The following ZC3H18 variants were observed in gnomAD, a reference collection of about 807,000 sequenced individuals.
The protein encoded by ZC3H18 is zinc finger CCCH-type containing 18, also known as zinc finger CCCH domain-containing protein 18.
In ZC3H18, 8 loss-of-function variants were observed where a neutral mutation model predicts 106.1. The ratio of observed to expected loss-of-function variants is 0.08; its 90% CI spans 0.04 to 0.14. The LOEUF is 0.14. Among genes scored for constraint, ZC3H18 ranks in the 10% least tolerant of loss-of-function variants. ZC3H18 has a pLI of 1.00. For missense variants in ZC3H18, 1,318 were observed against 1,278.4 expected, an observed-to-expected ratio of 1.03 and a Z score of -0.47; for synonymous variants, 635 against 522.1, an observed-to-expected ratio of 1.22 and a Z score of -2.95.
chr16:88,578,000 A>G (rs1465488819), intron 2 of ZC3H18, among the ~76,000 whole-genome samples: 1 of 152,174 alleles, frequency 6.6e-6, no homozygotes, highest in Admixed American at 6.5e-5. Flanking sequence ...GGTTGTAGTG[A>G]AAGGTCCAGC....
In ZC3H18 at chr16:88,631,656, G is replaced by C. The variant is rs766169078; in HGVS notation, c.*357G>C. 2 of 472,186 alleles carry C rather than the reference G, an allele frequency of 4.2e-6. No individual in the cohort carries two copies. The highest frequency in any genetic ancestry group is 2.0e-5 in the African/African-American group (1 of 50,830). The allele number at this position is 472,186 out of a possible 1,614,324, so 29.2% of individuals were successfully genotyped here. A position where few individuals can be genotyped will look rare whatever the true frequency, so the allele number is the denominator to read the frequency against. ...AGCCCCAGCTCTGGGTCCCTAGCCC[G>C]GGTCCAGGCAGCCAGGCTCCCTCCT... On this transcript the variant is annotated 3_prime_UTR_variant, in exon 18 of 18. Coordinates refer to ENST00000301011, the MANE Select transcript of ZC3H18 (RefSeq NM_144604.4).
rs1276273081 is a variant in ZC3H18, at chr16:88,572,760, C to G, written c.-15+2194C>G. Among the ~76,000 whole-genome samples, 2 of 150,960 alleles carry G rather than the reference C, an allele frequency of 1.3e-5. 1 individual carries two copies. The highest frequency in any genetic ancestry group is 3.0e-5 in the Non-Finnish European group (2 of 67,592). ...GAGGCCACGTTTCCCTTCGTAGCAC[C>G]TTATTACTATTTTTTGAAACGGAGT... On this transcript the variant is annotated intron_variant, in intron 1 of 17. Coordinates refer to ENST00000301011, the MANE Select transcript of ZC3H18 (RefSeq NM_144604.4).
At chr16:88,601,069 G>T (rs1034489118) in intron 6 of ZC3H18, among the ~76,000 whole-genome samples, 2 of 152,252 alleles carry the variant, frequency 1.3e-5, no homozygotes, top group Non-Finnish European at 2.9e-5. Flanking sequence ...CCTTCTCAAG[G>T]CCTTCTTGCC....
Position 88,631,425 on chromosome 16 carries a change from C to A in ZC3H18, c.*126C>A. 1 of 1,344,804 alleles carries A rather than the reference C, an allele frequency of 7.4e-7. No individual in the cohort carries two copies. The highest frequency in any genetic ancestry group is 1.0e-6 in the Non-Finnish European group (1 of 989,428). 83.3% of individuals were successfully genotyped at this position (1,344,804 alleles called of 1,614,324 possible). ...AAAAGTAAAAAAGAAAAAAAAGTTT[C>A]TCAGCTGGAAAAGAAGCCACACAGG... On this transcript the variant is annotated 3_prime_UTR_variant, in exon 18 of 18. Coordinates refer to ENST00000301011, the MANE Select transcript of ZC3H18 (RefSeq NM_144604.4).
In ZC3H18 at chr16:88,628,818, C is replaced by T. The variant is rs1365760542; in HGVS notation, c.2530C>T (p.Pro844Ser). The T allele has an allele frequency of 1.2e-6, 2 of 1,613,998 alleles. No homozygotes were observed. Among genetic ancestry groups the T allele is most frequent in the South Asian group, 1.1e-5 (1 of 91,092 alleles). The stretch of plus-strand genomic sequence containing the variant: ...ATCAGACAAGGACAGGCAGAGCCCT[C>T]CTCCAGCCAAGCGGCCCAACACATC... ...EPSDKDRQSP[P>S]PAKRPNTSPD... The change falls in exon 16 of 18, where the codon CCT becomes TCT. Residue 844 changes from proline to serine, a missense_variant. By Grantham distance (74) the Pro-to-Ser change is moderately conservative (BLOSUM62 -1). Transcript: ENST00000301011.
chr16:88,575,691 CTGAAG>C (rs2142524366), intron 1 of ZC3H18, among the ~76,000 whole-genome samples: 1 of 152,116 alleles, frequency 6.6e-6, no homozygotes, highest in Non-Finnish European at 1.5e-5. Context: ...GGAATGAAGT[CTGAAG>C]TGACCCCGTC....
At chr16:88,609,792 G>T (rs62050307) in intron 7 of ZC3H18, among the ~76,000 whole-genome samples, 1 of 151,668 alleles carries the variant, frequency 6.6e-6, no homozygotes, top group Admixed American at 6.6e-5. Flanking sequence ...GTAGAGACAG[G>T]GTTTTGCCGT....
chr16:88,615,829 G>A (rs547110146), intron 8 of ZC3H18, among the ~76,000 whole-genome samples: 2 of 152,300 alleles, frequency 1.3e-5, no homozygotes, highest in East Asian at 1.9e-4. Context: ...CTAAGCAGCC[G>A]GGGGCTCTTC....
At chr16:88,577,963 C>T (rs936971166) in intron 2 of ZC3H18, among the ~76,000 whole-genome samples, 3 of 152,172 alleles carry the variant, frequency 2.0e-5, no homozygotes, top group East Asian at 1.9e-4. Context: ...CCGTGGCCCT[C>T]GGCCGGCCAG....
At chr16:88,600,008 A>G (rs755502755) in intron 6 of ZC3H18, 60 bp downstream of exon 6, 21 of 1,591,640 alleles carry the variant, frequency 1.3e-5, no homozygotes, top group Non-Finnish European at 1.8e-5. Flanking sequence ...CGCTCCGGAG[A>G]GAGCAGCCAT....
intron 7 of ZC3H18, among the ~76,000 whole-genome samples, chr16:88,609,438 C>A (rs1463707166): frequency 6.6e-6 from 1 of 152,074 alleles, no homozygotes; most frequent in Non-Finnish European, 1.5e-5. Context: ...GCTGGGACCA[C>A]ACGCATGCAC....
intron 3 of ZC3H18, among the ~76,000 whole-genome samples, chr16:88,596,380 G>A (rs1032373017): frequency 2.0e-5 from 3 of 152,060 alleles, no homozygotes; most frequent in African/African-American, 4.8e-5. Context: ...GGTGGTTCAC[G>A]CCTGTAATCC....
intron 1 of ZC3H18, among the ~76,000 whole-genome samples, chr16:88,571,827 A>G (rs904792185): frequency 2.0e-5 from 3 of 152,202 alleles, no homozygotes; most frequent in African/African-American, 7.2e-5. Context: ...GATAACGTTC[A>G]TTTAGATATT....
chr16:88,608,609 T>C (rs942298910), intron 6 of ZC3H18: 5 of 167,552 alleles, frequency 3.0e-5, no homozygotes, highest in African/African-American at 1.2e-4. Context: ...GTGATCCACC[T>C]GCCTCGGCCT....
At chr16:88,598,067 T>A in intron 3 of ZC3H18, 111 bp from the exon 4 acceptor site, 2 of 663,444 alleles carry the variant, frequency 3.0e-6, no homozygotes, top group Non-Finnish European at 2.4e-6. Flanking sequence ...TGGCTCGCCA[T>A]CAGGCCTGGG....
Position 88,631,756 on chromosome 16 carries a change from G to T in ZC3H18, c.*457G>T, listed in dbSNP as rs377191912. ...CCCCCGCCCCTGATCACCCGCCCCC[G>T]GATCAGAAATATATCTATATTCTCG... On this transcript the variant is annotated 3_prime_UTR_variant, in exon 18 of 18. Transcript: ENST00000301011. The T allele has an allele frequency of 5.9e-5, 21 of 356,468 alleles. No homozygotes were observed. Among genetic ancestry groups the T allele is most frequent in the African/African-American group, 1.5e-4 (7 of 45,286 alleles). 22.1% of individuals were successfully genotyped at this position (356,468 alleles called of 1,614,324 possible). A position where few individuals can be genotyped will look rare whatever the true frequency, so the allele number is the denominator to read the frequency against.
At position 88,602,664 on chromosome 16, in the gene ZC3H18, T is replaced by C. The variant is rs577250715; in HGVS notation, c.1088+2716T>C. On this transcript the variant is annotated intron_variant, in intron 6 of 17. Coordinates refer to ENST00000301011, the MANE Select transcript of ZC3H18 (RefSeq NM_144604.4). ...CTCTGAAGATACCATGTTATTTTAT[T>C]TCCTAATGTCGAGAGTTTTCTGTTG... Among the ~76,000 whole-genome samples, 5 of 152,368 alleles carry C rather than the reference T, an allele frequency of 3.3e-5. No individual in the cohort carries two copies. In the South Asian group the frequency reaches 1.0e-3, roughly 32 times the overall value.
Position 88,587,774 on chromosome 16 carries a change from G to A in ZC3H18, c.688+1090G>A, listed in dbSNP as rs186162114. Among the ~76,000 whole-genome samples, 4 of 152,334 alleles carry A rather than the reference G, an allele frequency of 2.6e-5. No individual in the cohort carries two copies. In the East Asian group the frequency reaches 5.8e-4, roughly 22 times the overall value. ...TTCGGAACCTCCTCCTTAGAGGCAC[G>A]TGAGCCAGTCGAGCATCGGGGACAG... On this transcript the variant is annotated intron_variant, in intron 3 of 17. Coordinates refer to ENST00000301011, the MANE Select transcript of ZC3H18 (RefSeq NM_144604.4).
intron 16 of ZC3H18, 21 bp downstream of exon 16, chr16:88,628,875 G>A (rs755099544): frequency 1.2e-6 from 2 of 1,613,602 alleles, no homozygotes; most frequent in Non-Finnish European, 8.5e-7. Context: ...CAGCCCCTAG[G>A]GGGCAGGGCA....
Sources: gnomAD v4.1 joint callset for allele counts (sites outside exome capture counted in the v4.1 genomes callset) on GRCh38, gnomAD v4.1.1 for gene constraint, MANE v1.5 for transcripts, NCBI Gene and HGNC (gene_info 2026-07-23, HGNC 2026-07-21) for gene names.